The following TBL1XR1 variants were observed in gnomAD, a reference collection of about 807,000 sequenced individuals.
TBL1XR1 encodes the protein TBL1X/Y related 1, also known as F-box-like/WD repeat-containing protein TBL1XR1.
In TBL1XR1, 5 loss-of-function variants were observed where a neutral mutation model predicts 66.9. The ratio of observed to expected loss-of-function variants is 0.07; its 90% CI spans 0.04 to 0.16. The LOEUF is 0.16. TBL1XR1 is among the 10% of genes least tolerant of loss of function. TBL1XR1 has a pLI of 1.00. For missense variants in TBL1XR1, 238 were observed against 623.2 expected, an observed-to-expected ratio of 0.38 and a Z score of 6.58; for synonymous variants, 210 against 206.0, an observed-to-expected ratio of 1.02 and a Z score of -0.17.
intron 1 of TBL1XR1, among the ~76,000 whole-genome samples, chr3:177,187,067 T>C (rs1293508305): frequency 1.3e-5 from 2 of 151,258 alleles, no homozygotes; most frequent in African/African-American, 2.4e-5. Flanking sequence ...CTCAGGAGGC[T>C]GAGGCAGGAG....
At chr3:177,073,491 CAT>C (rs757662435) in intron 2 of TBL1XR1, among the ~76,000 whole-genome samples, 123 of 152,292 alleles carry the variant, frequency 8.1e-4, no homozygotes, top group Non-Finnish European at 1.5e-3. Flanking sequence ...AACTCTAAAA[CAT>C]ATTGGAGGAA....
At chr3:177,135,336 TA>T (rs1728832408) in intron 1 of TBL1XR1, among the ~76,000 whole-genome samples, 3 of 63,926 alleles carry the variant, frequency 4.7e-5, no homozygotes, top group African/African-American at 2.0e-4. Context: ...TGTGTGTGTA[TA>T]CATATATATA....
intron 2 of TBL1XR1, among the ~76,000 whole-genome samples, chr3:177,068,583 T>C (rs1050129866): frequency 6.6e-6 from 1 of 152,200 alleles, no homozygotes; most frequent in South Asian, 2.1e-4. Context: ...ATTTTCAGCA[T>C]CACAAAACTC....
intron 1 of TBL1XR1, among the ~76,000 whole-genome samples, chr3:177,154,778 A>T (rs1364315917): frequency 1.3e-5 from 2 of 152,242 alleles, no homozygotes; most frequent in Non-Finnish European, 2.9e-5. Flanking sequence ...AAAAATTAAT[A>T]ACACAGAAGA....
chr3:177,135,837 GT>G (rs201460982), intron 1 of TBL1XR1, among the ~76,000 whole-genome samples: 24 of 148,180 alleles, frequency 1.6e-4, no homozygotes, highest in African/African-American at 4.4e-4. Context: ...GTGGAAGGCT[GT>G]TTTTTTTTTA....
chr3:177,115,781 T>C (rs749344101), intron 1 of TBL1XR1, among the ~76,000 whole-genome samples: 1 of 152,234 alleles, frequency 6.6e-6, no homozygotes, highest in African/African-American at 2.4e-5. Context: ...ACTGCTTAAT[T>C]AACTATTCAT....
At chr3:177,035,554 T>C (rs1279088824) in intron 12 of TBL1XR1, among the ~76,000 whole-genome samples, 1 of 151,980 alleles carries the variant, frequency 6.6e-6, no homozygotes, top group Non-Finnish European at 1.5e-5. Context: ...GCTGGGATTA[T>C]AGGCACCTGC....
At chr3:177,153,451 T>A (rs976739317) in intron 1 of TBL1XR1, among the ~76,000 whole-genome samples, 2 of 151,996 alleles carry the variant, frequency 1.3e-5, no homozygotes, top group African/African-American at 4.8e-5. Context: ...CTGTTTAAAG[T>A]AAAAATAATA....
rs1415169140 is a variant in TBL1XR1, at chr3:177,149,713, T to TG, written c.-122+47407dup. Reference sequence around the variant, plus strand: ...AATAATTTTTACATTTCTAAATGGTTGGGGGGGCCGGAGGGGGACACAACG... The same window carrying TG: ...AATAATTTTTACATTTCTAAATGGTTGGGGGGGGCCGGAGGGGGACACAACG... On this transcript the variant is annotated intron_variant, in intron 1 of 15. Coordinates refer to ENST00000457928, the MANE Select transcript of TBL1XR1 (RefSeq NM_024665.7). Among the ~76,000 whole-genome samples, 21 of 152,098 alleles carry TG rather than the reference T, an allele frequency of 1.4e-4. No individual in the cohort carries two copies. The East Asian group carries it at 3.3e-3, about 24-fold the overall frequency.
At chr3:177,046,929 C>T (rs1235377932) in intron 9 of TBL1XR1, among the ~76,000 whole-genome samples, 1 of 152,156 alleles carries the variant, frequency 6.6e-6, no homozygotes, top group African/African-American at 2.4e-5. Context: ...TTCATATTAG[C>T]TTCAATTAAG....
rs994531583 is a variant in TBL1XR1, at chr3:177,077,348, A to C, written c.-45-12326T>G. ...CTATGTTAAATCCATCATAAAAGAA[A>C]ATTTTCAGAAGGGAAAAATACTTAT... On this transcript the variant is annotated intron_variant, in intron 2 of 15. Coordinates refer to ENST00000457928, the MANE Select transcript of TBL1XR1 (RefSeq NM_024665.7). 7.9e-5 allele frequency among the ~76,000 whole-genome samples: 11 copies of C among 138,656 alleles called. No homozygotes were observed. The Admixed American group carries it at 8.4e-4, about 11-fold the overall frequency. 91.0% of individuals were successfully genotyped at this position (138,656 alleles called of 152,430 possible). A position where few individuals can be genotyped will look rare whatever the true frequency, so the allele number is the denominator to read the frequency against.
intron 1 of TBL1XR1, among the ~76,000 whole-genome samples, chr3:177,105,080 A>G (rs1724706707): frequency 6.6e-6 from 1 of 152,236 alleles, no homozygotes; most frequent in Non-Finnish European, 1.5e-5. Flanking sequence ...AGGGATTTTG[A>G]ACATGAGAAA....
chr3:177,060,740 A>C (rs1718414622), intron 3 of TBL1XR1, among the ~76,000 whole-genome samples: 1 of 152,238 alleles, frequency 6.6e-6, no homozygotes, highest in African/African-American at 2.4e-5. Flanking sequence ...TAGTGCCTCT[A>C]AAATTAACAC....
chr3:177,041,971 C>T (rs1400206449), intron 10 of TBL1XR1, among the ~76,000 whole-genome samples: 1 of 152,162 alleles, frequency 6.6e-6, no homozygotes, highest in Non-Finnish European at 1.5e-5. Context: ...TCTTAGACTT[C>T]CTTCAATTAG....
intron 1 of TBL1XR1, among the ~76,000 whole-genome samples, chr3:177,103,598 A>G (rs549812210): frequency 3.3e-5 from 5 of 152,306 alleles, no homozygotes; most frequent in Admixed American, 2.0e-4. Flanking sequence ...CTTCAAAAAT[A>G]CTACATTGCA....
At chr3:177,142,625 C>A (rs1406513592) in intron 1 of TBL1XR1, among the ~76,000 whole-genome samples, 1 of 152,068 alleles carries the variant, frequency 6.6e-6, no homozygotes, top group Non-Finnish European at 1.5e-5. Context: ...CACTATTGAA[C>A]TATACATTTT....
chr3:177,053,759 TAA>T lies in TBL1XR1; in HGVS notation c.204+12_204+13del, dbSNP rs1717426221. The T allele has an allele frequency of 6.8e-6, 11 of 1,607,850 alleles. No homozygotes were observed. The highest frequency in any genetic ancestry group is 9.3e-6 in the Non-Finnish European group (11 of 1,176,880). On this transcript the variant is annotated intron_variant, in intron 4 of 15. Transcript: ENST00000457928. ...AGATGAAAAAAATCAGTATTTGAAA[TAA>T]GTCTTCCTTACCTCATTAATACTAA...
chr3:177,125,092 A>C (rs1345338320), intron 1 of TBL1XR1, among the ~76,000 whole-genome samples: 1 of 152,118 alleles, frequency 6.6e-6, no homozygotes, highest in East Asian at 1.9e-4. Context: ...GAAATGTAAA[A>C]CATTTTCATT....
At chr3:177,041,842 T>C (rs968341680) in intron 10 of TBL1XR1, among the ~76,000 whole-genome samples, 6 of 151,908 alleles carry the variant, frequency 3.9e-5, no homozygotes, top group Admixed American at 6.6e-5. Flanking sequence ...AAGTTAGGAG[T>C]AGTAAGAAGA....
Sources: gnomAD v4.1 joint callset for allele counts (sites outside exome capture counted in the v4.1 genomes callset) on GRCh38, gnomAD v4.1.1 for gene constraint, MANE v1.5 for transcripts, NCBI Gene and HGNC (gene_info 2026-07-23, HGNC 2026-07-21) for gene names.